YAP1: variants seen among roughly 807,000 people sequenced by gnomAD.
YAP1 encodes the protein Yes1 associated transcriptional regulator, also known as transcriptional coactivator YAP1.
In YAP1, 5 loss-of-function variants were observed where a neutral mutation model predicts 56.9. The observed-to-expected ratio is 0.09, with a 90% CI of 0.05 to 0.18. The LOEUF (loss-of-function observed/expected upper bound fraction) is 0.18, where lower values mean the gene tolerates loss of function less well. Ranked by LOEUF, YAP1 falls within the 10% of genes least tolerant of loss-of-function variation. The pLI, the probability that YAP1 is intolerant of heterozygous loss-of-function variation, is 1.00. For synonymous variants in YAP1, 265 were observed against 248.1 expected, an observed-to-expected ratio of 1.07 and a Z score of -0.64; for missense variants, 539 against 651.8, an observed-to-expected ratio of 0.83 and a Z score of 1.88.
rs1950416819 is a variant in YAP1, at chr11:102,230,897, A to AT, written c.*958dup. ...CACACACCCAAACATAACATTTATA[A>AT]TAGTGTGGTAGTGGAATGTATCCTT... On this transcript the variant is annotated 3_prime_UTR_variant, in exon 9 of 9. Transcript: ENST00000282441. 6.6e-6 allele frequency: 1 copy of AT among 152,168 alleles called. No individual in the cohort carries two copies. Among genetic ancestry groups the AT allele is most frequent in the African/African-American group, 2.4e-5 (1 of 41,432 alleles). The allele number at this position is 152,168 out of a possible 1,614,324, so 9.4% of individuals were successfully genotyped here.
chr11:102,213,782 A>G (rs1949531281), intron 6 of YAP1, among the ~76,000 whole-genome samples: 1 of 152,082 alleles, frequency 6.6e-6, no homozygotes, highest in Admixed American at 6.5e-5. Flanking sequence ...AAGTGCCCTT[A>G]TGAGAATTCT....
At chr11:102,130,404 A>G (rs1944306512) in intron 2 of YAP1, among the ~76,000 whole-genome samples, 1 of 151,966 alleles carries the variant, frequency 6.6e-6, no homozygotes, top group Non-Finnish European at 1.5e-5. Context: ...ATAATGATTG[A>G]TTGATTGATT....
At chr11:102,149,220 A>G (rs1387454581) in intron 2 of YAP1, among the ~76,000 whole-genome samples, 1 of 152,254 alleles carries the variant, frequency 6.6e-6, no homozygotes, top group Non-Finnish European at 1.5e-5. Flanking sequence ...ACATTTAGAT[A>G]GGAGATCACC....
chr11:102,179,895 C>G (rs555794533), intron 3 of YAP1, among the ~76,000 whole-genome samples: 1 of 151,484 alleles, frequency 6.6e-6, no homozygotes, highest in African/African-American at 2.4e-5. Flanking sequence ...TTAAATGATA[C>G]ATAAAAATAA....
At chr11:102,183,903 C>G (rs1007213730) in intron 3 of YAP1, among the ~76,000 whole-genome samples, 8 of 151,534 alleles carry the variant, frequency 5.3e-5, no homozygotes, top group Non-Finnish European at 1.2e-4. Flanking sequence ...GGTGAAACCC[C>G]GTCTCTACTA....
At chr11:102,127,700 A>G (rs1347926591) in intron 2 of YAP1, among the ~76,000 whole-genome samples, 2 of 152,184 alleles carry the variant, frequency 1.3e-5, no homozygotes, top group African/African-American at 4.8e-5. Flanking sequence ...ACCATCCTCC[A>G]GACCCCAGAA....
intron 6 of YAP1, among the ~76,000 whole-genome samples, chr11:102,222,908 C>A (rs1452697104): frequency 6.6e-6 from 1 of 151,598 alleles, no homozygotes; most frequent in East Asian, 1.9e-4. Flanking sequence ...TCCAAACACA[C>A]AAAACCATAT....
chr11:102,204,769 C>A (rs915898486), intron 4 of YAP1, among the ~76,000 whole-genome samples: 3 of 152,104 alleles, frequency 2.0e-5, no homozygotes, highest in African/African-American at 7.2e-5. Context: ...ATTTTCCTTT[C>A]TTTTAATATC....
At chr11:102,190,724 G>C (rs1284064646) in intron 4 of YAP1, among the ~76,000 whole-genome samples, 1 of 152,112 alleles carries the variant, frequency 6.6e-6, no homozygotes, top group African/African-American at 2.4e-5. Flanking sequence ...GATCACTTTA[G>C]GTAAGGAGTT....
At chr11:102,194,117 T>A (rs182998424) in intron 4 of YAP1, among the ~76,000 whole-genome samples, 1 of 152,362 alleles carries the variant, frequency 6.6e-6, no homozygotes, top group East Asian at 1.9e-4. Context: ...TTACATAGTT[T>A]TTTAAAAGGA....
chr11:102,187,407 C>T (rs1461732465), intron 4 of YAP1, among the ~76,000 whole-genome samples: 1 of 152,106 alleles, frequency 6.6e-6, no homozygotes, highest in Non-Finnish European at 1.5e-5. Flanking sequence ...TTTGCAACTT[C>T]AGATTCTGTT....
At chr11:102,113,466 G>C (rs1157800766) in intron 1 of YAP1, among the ~76,000 whole-genome samples, 4 of 152,270 alleles carry the variant, frequency 2.6e-5, no homozygotes, top group African/African-American at 7.2e-5. Flanking sequence ...AGTTGTGGAT[G>C]TGTGTGAGTT....
At chr11:102,134,991 G>T (rs900042250) in intron 2 of YAP1, among the ~76,000 whole-genome samples, 2 of 152,138 alleles carry the variant, frequency 1.3e-5, no homozygotes, top group African/African-American at 4.8e-5. Context: ...TGATTCTCCT[G>T]CCTCAGCCTC....
intron 2 of YAP1, among the ~76,000 whole-genome samples, chr11:102,117,708 A>G (rs2135136863): frequency 6.6e-6 from 1 of 152,360 alleles, no homozygotes; most frequent in Middle Eastern, 3.4e-3. Flanking sequence ...GTATGGTGCT[A>G]GTTACATTTA....
chr11:102,230,628 G>A lies in YAP1; in HGVS notation c.*688G>A, dbSNP rs764420950. Reference sequence around the variant, plus strand: ...AATATAGATTTTGGTGGATAATTTTGTGGGTGTGCATTTTGTTCTGTTTTG... The same window carrying A: ...AATATAGATTTTGGTGGATAATTTTATGGGTGTGCATTTTGTTCTGTTTTG... On this transcript the variant is annotated 3_prime_UTR_variant, in exon 9 of 9. Coordinates refer to ENST00000282441, the MANE Select transcript of YAP1 (RefSeq NM_001130145.3). 6.6e-6 allele frequency: 1 copy of A among 152,420 alleles called. No homozygotes were observed. The highest frequency in any genetic ancestry group is 2.4e-5 in the African/African-American group (1 of 41,380). 9.4% of individuals were successfully genotyped at this position (152,420 alleles called of 1,614,324 possible).
intron 3 of YAP1, among the ~76,000 whole-genome samples, chr11:102,185,779 AT>A (rs559008098): frequency 3.3e-5 from 5 of 151,478 alleles, no homozygotes; most frequent in Non-Finnish European, 7.4e-5. Context: ...TTGGAAAAAA[AT>A]TTTTTTTCTT....
At chr11:102,201,316 A>G (rs1366214771) in intron 4 of YAP1, among the ~76,000 whole-genome samples, 3 of 151,478 alleles carry the variant, frequency 2.0e-5, no homozygotes, top group African/African-American at 7.2e-5. Context: ...CCATATATCA[A>G]AGAAGAAGGG....
In YAP1 at chr11:102,205,586, G is replaced by A. The variant is rs545315154; in HGVS notation, c.803-307G>A. ...CACCCCCGCTCCCTTCCCCCACCCC[G>A]TTTTTTTTAAACACTTTCTCTTCTG... On this transcript the variant is annotated intron_variant, in intron 4 of 8. Coordinates refer to ENST00000282441, the MANE Select transcript of YAP1 (RefSeq NM_001130145.3). 2.9e-4 allele frequency among the ~76,000 whole-genome samples: 44 copies of A among 149,580 alleles called. No individual in the cohort carries two copies. The South Asian group carries it at 3.4e-3, about 12-fold the overall frequency.
Position 102,137,610 on chromosome 11 carries a change from C to G in YAP1, c.572+23216C>G, listed in dbSNP as rs563992135. Among the ~76,000 whole-genome samples the G allele has an allele frequency of 1.1e-4, 17 of 152,328 alleles. No individual in the cohort carries two copies. The South Asian group carries it at 1.2e-3, about 11-fold the overall frequency. ...ATGCTTAAAAGACTTTGCTGCCTCTCCCTGCTCCATGTGAAATCACAGTAA... is the reference window on the plus strand; with the variant it reads ...ATGCTTAAAAGACTTTGCTGCCTCTGCCTGCTCCATGTGAAATCACAGTAA... On this transcript the variant is annotated intron_variant, in intron 2 of 8. Transcript: ENST00000282441.
Sources: gnomAD v4.1 joint callset for allele counts (sites outside exome capture counted in the v4.1 genomes callset) on GRCh38, gnomAD v4.1.1 for gene constraint, MANE v1.5 for transcripts, NCBI Gene and HGNC (gene_info 2026-07-23, HGNC 2026-07-21) for gene names.